The following CDC42 variants were observed in gnomAD, a reference collection of about 807,000 sequenced individuals.
CDC42 encodes the protein cell division control protein 42 homolog.
In CDC42, 1 loss-of-function variant was observed where a neutral mutation model predicts 20.8. That is an observed-to-expected ratio of 0.05 (90% CI 0.02 to 0.23). The LOEUF (loss-of-function observed/expected upper bound fraction) is 0.23. Among genes scored for constraint, CDC42 ranks in the 10% least tolerant of loss-of-function variants. The pLI is 1.00. For synonymous variants in CDC42, 72 were observed against 84.8 expected (o/e 0.85, Z 0.83); for missense variants, 49 against 227.9 (o/e 0.21, Z 5.05).
At position 22,091,638 on chromosome 1, in the gene CDC42, C is replaced by T. The variant is rs1645715988; in HGVS notation, c.*121C>T. ...TTGCAATAATGACAAATGCCCTGCA[C>T]CTACCCACATGCACTCGTGTGAGAC... On this transcript the variant is annotated 3_prime_UTR_variant, in exon 6 of 6. Coordinates refer to ENST00000656825, the MANE Select transcript of CDC42 (RefSeq NM_001791.4). 8.0e-6 allele frequency: 5 copies of T among 626,280 alleles called. No individual in the cohort carries two copies. 38.8% of individuals were successfully genotyped at this position (626,280 alleles called of 1,614,324 possible).
Position 22,078,429 on chromosome 1 carries a change from G to A in CDC42, c.-50G>A, listed in dbSNP as rs1262915536. On this transcript the variant is annotated splice_region_variant and 5_prime_UTR_variant, in exon 2 of 6. Transcript: ENST00000656825. Reference sequence around the variant, plus strand: ...ACAAATGTCTTTAATCTTTTTGCAGGTCATCATCAGATTTGAAATATTTAA... The same window carrying A: ...ACAAATGTCTTTAATCTTTTTGCAGATCATCATCAGATTTGAAATATTTAA... 3 of 1,334,322 alleles carry A rather than the reference G, an allele frequency of 2.2e-6. No homozygotes were observed. Among genetic ancestry groups the A allele is most frequent in the East Asian group, 4.7e-5 (2 of 42,948 alleles). The allele number at this position is 1,334,322 out of a possible 1,614,324, so 82.7% of individuals were successfully genotyped here. A position where few individuals can be genotyped will look rare whatever the true frequency, so the allele number is the denominator to read the frequency against.
intron 1 of CDC42, among the ~76,000 whole-genome samples, chr1:22,061,469 A>C (rs1645362277): frequency 1.3e-5 from 2 of 148,536 alleles, no homozygotes. Flanking sequence ...CATAATGTAT[A>C]TAAGTTTATT....
At chr1:22,090,463 G>T (rs1218736723) in intron 5 of CDC42, 1 of 995,690 alleles carries the variant, frequency 1.0e-6, no homozygotes, top group South Asian at 4.4e-5. Context: ...TGGAAAAGGG[G>T]TGACCTAGTA....
At position 22,094,676 on chromosome 1, in the gene CDC42, A is replaced by G. The variant is rs1454338842; in HGVS notation, c.*3159A>G. 6.6e-6 allele frequency among the ~76,000 whole-genome samples: 1 copy of G among 152,210 alleles called. No individual in the cohort carries two copies. Among genetic ancestry groups the G allele is most frequent in the African/African-American group, 2.4e-5 (1 of 41,454 alleles). ...AGGGGAGTGTATTCTAAAGGGGAAG[A>G]AAAGGATTGTGGTTTAAAAGAACAA... On this transcript the variant is annotated 3_prime_UTR_variant, in exon 6 of 6. Transcript: ENST00000656825.
rs948174283 is a variant in CDC42 at position 22,097,976 on chromosome 1, T to C, written c.*6459T>C. Among the ~76,000 whole-genome samples the C allele has an allele frequency of 2.6e-5, 4 of 152,148 alleles. No homozygotes were observed. Among genetic ancestry groups the C allele is most frequent in the Non-Finnish European group, 5.9e-5 (4 of 68,028 alleles). ...CAGATTTTCAAGGCTAAGGTAAGTA[T>C]AGCATTTTCTCAACCCTATTACAAT... On this transcript the variant is annotated 3_prime_UTR_variant, in exon 6 of 6. Transcript: ENST00000656825.
At position 22,094,294 on chromosome 1, in the gene CDC42, ATTTTTTTT is replaced by A. The variant is rs747002932; in HGVS notation, c.*2791_*2798del. Among the ~76,000 whole-genome samples the A allele has an allele frequency of 7.8e-5, 3 of 38,302 alleles. No individual in the cohort carries two copies. The highest frequency in any genetic ancestry group is 2.4e-4 in the African/African-American group (2 of 8,200). 25.1% of individuals were successfully genotyped at this position (38,302 alleles called of 152,430 possible). A position where few individuals can be genotyped will look rare whatever the true frequency, so the allele number is the denominator to read the frequency against. ...GTTTTACTGAACATCCTAGAAATAGATTTTTTTTTTTTTTTTTTTTTGAGACGGAGTCT... is the reference window on the plus strand; with the variant it reads ...GTTTTACTGAACATCCTAGAAATAGATTTTTTTTTTTTTGAGACGGAGTCT... On this transcript the variant is annotated 3_prime_UTR_variant, in exon 6 of 6. Transcript: ENST00000656825.
rs1181396511 is a variant in CDC42 at position 22,096,991 on chromosome 1, T to C, written c.*5474T>C. Among the ~76,000 whole-genome samples the C allele has an allele frequency of 6.6e-6, 1 of 152,254 alleles. No individual in the cohort carries two copies. The highest frequency in any genetic ancestry group is 2.4e-5 in the African/African-American group (1 of 41,468). The stretch of plus-strand genomic sequence containing the variant: ...CATTGTATTTATTTAGATAGTGGGA[T>C]TGAAAATAGGCTAAGATGGAGAACT... On this transcript the variant is annotated 3_prime_UTR_variant, in exon 6 of 6. Coordinates refer to ENST00000656825, the MANE Select transcript of CDC42 (RefSeq NM_001791.4).
At position 22,096,699 on chromosome 1, in the gene CDC42, G is replaced by GTACC. The variant is rs1220177833; in HGVS notation, c.*5182_*5183insTACC. Among the ~76,000 whole-genome samples, 1 of 152,204 alleles carries GTACC rather than the reference G, an allele frequency of 6.6e-6. No homozygotes were observed. The highest frequency in any genetic ancestry group is 2.4e-5 in the African/African-American group (1 of 41,452). ...CAGGTGGTCAGTTGGAACCCCTGAT[G>GTACC]GGTATCTGGGCCACTGCCCAGGCCA... is the stretch of plus-strand genomic sequence containing the variant. On this transcript the variant is annotated 3_prime_UTR_variant, in exon 6 of 6. Transcript: ENST00000656825.
intron 1 of CDC42, among the ~76,000 whole-genome samples, chr1:22,061,550 T>TGAGATGGAG: frequency 8.0e-6 from 1 of 124,742 alleles, no homozygotes. Flanking sequence ...TTTTTTTTTT[T>TGAGATGGAG]TTTTTTTTTT....
chr1:22,075,238 A>G (rs1044903131), intron 1 of CDC42, among the ~76,000 whole-genome samples: 4 of 152,230 alleles, frequency 2.6e-5, no homozygotes, highest in Non-Finnish European at 4.4e-5. Context: ...AACACATGAA[A>G]CAATTATTAA....
rs1427760172 is a variant in CDC42 at position 22,091,720 on chromosome 1, AATTGT to A, written c.*209_*213del. On this transcript the variant is annotated 3_prime_UTR_variant, in exon 6 of 6. Transcript: ENST00000656825. ...CTCCCAGTACTAGTTAATTTTGAGT[AATTGT>A]ATTGTCAGAAAAGTGATTAGTACTA... 3.1e-6 allele frequency: 1 copy of A among 321,890 alleles called. No individual in the cohort carries two copies. Among genetic ancestry groups the A allele is most frequent in the East Asian group, 5.1e-5 (1 of 19,572 alleles). 19.9% of individuals were successfully genotyped at this position (321,890 alleles called of 1,614,324 possible).
Position 22,099,868 on chromosome 1 carries a change from G to A in CDC42, c.*8351G>A, listed in dbSNP as rs1645778918. Among the ~76,000 whole-genome samples, 1 of 151,340 alleles carries A rather than the reference G, an allele frequency of 6.6e-6. No individual in the cohort carries two copies. Among genetic ancestry groups the A allele is most frequent in the South Asian group, 2.1e-4 (1 of 4,774 alleles). ...AGCAATCCCCCATTTTTTCATATGT[G>A]GAAACTGAGGCATGTTATGATACAA... On this transcript the variant is annotated 3_prime_UTR_variant, in exon 6 of 6. Coordinates refer to ENST00000656825, the MANE Select transcript of CDC42 (RefSeq NM_001791.4).
intron 1 of CDC42, among the ~76,000 whole-genome samples, chr1:22,069,455 C>T (rs984136353): frequency 9.9e-5 from 15 of 151,824 alleles, no homozygotes; most frequent in African/African-American, 2.2e-4. Flanking sequence ...GGATTATAGG[C>T]GTGAGCCACC....
intron 3 of CDC42, among the ~76,000 whole-genome samples, chr1:22,082,381 T>G (rs531862231): frequency 1.3e-5 from 2 of 152,370 alleles, no homozygotes; most frequent in East Asian, 3.9e-4. Context: ...AACTATTATC[T>G]GCTCACAGTA....
chr1:22,058,934 C>T (rs1410460209), intron 1 of CDC42, among the ~76,000 whole-genome samples: 2 of 152,054 alleles, frequency 1.3e-5, no homozygotes, highest in African/African-American at 4.8e-5. Flanking sequence ...CCAACCTCAG[C>T]CTCCCAAGTA....
chr1:22,087,963 G>C (rs1302397827), intron 5 of CDC42, among the ~76,000 whole-genome samples: 2 of 152,108 alleles, frequency 1.3e-5, no homozygotes. Flanking sequence ...TGCTTAACTG[G>C]GATATCCCTC....
intron 1 of CDC42, among the ~76,000 whole-genome samples, chr1:22,064,641 T>C (rs577582333): frequency 1.3e-5 from 2 of 152,064 alleles, no homozygotes; most frequent in South Asian, 4.2e-4. Context: ...ACTTTCACTT[T>C]GATGGAGTTT....
intron 1 of CDC42, among the ~76,000 whole-genome samples, chr1:22,060,303 C>G (rs1009111129): frequency 6.6e-6 from 1 of 151,842 alleles, no homozygotes; most frequent in South Asian, 2.1e-4. Flanking sequence ...CACCACTGTT[C>G]TCCAGCCTGG....
rs1172173154 is a variant in CDC42 at position 22,090,238 on chromosome 1, T to A, written c.487-1190T>A. 6 of 1,257,598 alleles carry A rather than the reference T, an allele frequency of 4.8e-6. No homozygotes were observed. The Admixed American group carries it at 2.2e-4, about 45-fold the overall frequency. 77.9% of individuals were successfully genotyped at this position (1,257,598 alleles called of 1,614,324 possible). ...GATCAGTAGTCAAGTTGGACTTGTTTTAACGTTCTGCTGCTTGAGTTGCCT... is the reference window on the plus strand; with the variant it reads ...GATCAGTAGTCAAGTTGGACTTGTTATAACGTTCTGCTGCTTGAGTTGCCT... On this transcript the variant is annotated intron_variant, in intron 5 of 5. Coordinates refer to ENST00000656825, the MANE Select transcript of CDC42 (RefSeq NM_001791.4).
Sources: gnomAD v4.1 joint callset for allele counts (sites outside exome capture counted in the v4.1 genomes callset) on GRCh38, gnomAD v4.1.1 for gene constraint, MANE v1.5 for transcripts, NCBI Gene and HGNC (gene_info 2026-07-23, HGNC 2026-07-21) for gene names.